TXLNB: variants seen among roughly 807,000 people sequenced by gnomAD.
TXLNB encodes taxilin beta.
In TXLNB, 37 loss-of-function variants were observed where a neutral mutation model predicts 57.4. The observed-to-expected ratio is 0.64, with a 90% confidence interval of 0.50 to 0.85. The LOEUF (loss-of-function observed/expected upper bound fraction) is 0.85. Among genes scored for constraint, TXLNB ranks in the 40% least tolerant of loss-of-function variants. TXLNB has a pLI of 0.00. For synonymous variants in TXLNB, 302 were observed against 309.6 expected (o/e 0.98, Z 0.26); for missense variants, 848 against 825.6 (o/e 1.03, Z -0.33).
chr6:139,287,782 A>G (rs189233610), intron 2 of TXLNB, among the ~76,000 whole-genome samples: 334 of 152,276 alleles, frequency 2.2e-3, no homozygotes, highest in Middle Eastern at 6.8e-3. Flanking sequence ...TTTCCCAGCC[A>G]TCGTTGGTGT....
At chr6:139,185,401 A>C in the TXLNB span, among the ~76,000 whole-genome samples, 1 of 152,200 alleles carries the variant, frequency 6.6e-6, no homozygotes, top group South Asian at 2.1e-4. Context: ...TAAGTTTTCA[A>C]AACACAGGAT....
rs754093195 is a variant in TXLNB, at chr6:139,262,697, G to T, written c.764C>A (p.Thr255Lys). Residue 255 changes from threonine to lysine, a missense_variant, in exon 5 of 10, where the codon ACG becomes AAG. By Grantham distance (78) the Thr-to-Lys change is moderately conservative (BLOSUM62 -1). Coordinates refer to ENST00000358430, the MANE Select transcript of TXLNB (RefSeq NM_153235.4). The stretch of plus-strand genomic sequence containing the variant: ...CTGCTCGATCTGGCCCTGGATGTCC[G>T]TGAGGGTACTCTGGAAATGGCTTGT... ...EITSHFQSTL[T>K]DIQGQIEQQS... is the part of the protein sequence containing the mutation. 18 of 1,614,144 alleles carry T rather than the reference G, an allele frequency of 1.1e-5. No individual in the cohort carries two copies. In the South Asian group the frequency reaches 2.0e-4, roughly 18 times the overall value.
the TXLNB span, chr6:139,166,316 T>G: frequency 6.2e-7 from 1 of 1,611,412 alleles, no homozygotes; most frequent in Non-Finnish European, 8.5e-7. Context: ...GATCTGCAGC[T>G]TCGGTAGGCC....
chr6:139,256,715 T>A (rs1013611298), intron 6 of TXLNB, among the ~76,000 whole-genome samples: 1 of 152,284 alleles, frequency 6.6e-6, no homozygotes, highest in Non-Finnish European at 1.5e-5. Context: ...AAGAACTATG[T>A]ATGTCCTTGG....
At chr6:139,309,011 C>A in the TXLNB span, among the ~76,000 whole-genome samples, 1 of 152,256 alleles carries the variant, frequency 6.6e-6, no homozygotes, top group South Asian at 2.1e-4. Flanking sequence ...AGCATGCATT[C>A]CATTCCCTAT....
At chr6:139,199,844 T>G in the TXLNB span, 5 of 152,220 alleles carry the variant, frequency 3.3e-5, no homozygotes, top group Non-Finnish European at 7.4e-5. Flanking sequence ...CTAAAATTTA[T>G]AGGGTTCATG....
chr6:139,182,610 T>C, the TXLNB span, among the ~76,000 whole-genome samples: 1 of 149,188 alleles, frequency 6.7e-6, no homozygotes, highest in African/African-American at 2.6e-5. Context: ...TCTTGAGCTT[T>C]TCTTCTTTTT....
intron 3 of TXLNB, among the ~76,000 whole-genome samples, chr6:139,272,683 G>A (rs923499946): frequency 2.0e-5 from 3 of 152,202 alleles, no homozygotes; most frequent in East Asian, 1.9e-4. Flanking sequence ...TTAGATAGGC[G>A]TGAAATTTCT....
the TXLNB span, among the ~76,000 whole-genome samples, chr6:139,228,618 C>T: frequency 1.3e-5 from 2 of 151,544 alleles, no homozygotes; most frequent in African/African-American, 4.8e-5. Flanking sequence ...TTAAGTTTCT[C>T]TTCTTGCAAC....
At chr6:139,182,721 A>G in the TXLNB span, among the ~76,000 whole-genome samples, 1 of 152,230 alleles carries the variant, frequency 6.6e-6, no homozygotes, top group Non-Finnish European at 1.5e-5. Context: ...TGAAATAGTA[A>G]TGTATTTTTA....
intron 4 of TXLNB, 74 bp from the exon 5 acceptor site, chr6:139,262,847 G>A (rs929708259): frequency 6.8e-7 from 1 of 1,473,610 alleles, no homozygotes; most frequent in Middle Eastern, 2.3e-4. Context: ...GTCACCTAAA[G>A]GAGATAAGTG....
chr6:139,262,489 G>C, intron 5 of TXLNB, 90 bp downstream of exon 5: 2 of 1,160,092 alleles, frequency 1.7e-6, no homozygotes, highest in Non-Finnish European at 2.4e-6. Context: ...TGAGAGGGCT[G>C]GCTGTAACTG....
the TXLNB span, among the ~76,000 whole-genome samples, chr6:139,300,961 C>A: frequency 6.6e-6 from 1 of 152,310 alleles, no homozygotes; most frequent in South Asian, 2.1e-4. Flanking sequence ...AAAGGAAGCA[C>A]CACATCTCTT....
At chr6:139,255,011 G>A (rs1776299230) in intron 7 of TXLNB, among the ~76,000 whole-genome samples, 1 of 152,056 alleles carries the variant, frequency 6.6e-6, no homozygotes, top group Non-Finnish European at 1.5e-5. Flanking sequence ...TAATAGAGAC[G>A]GGGTTTCACC....
chr6:139,244,606 T>C lies in TXLNB; in HGVS notation c.1255A>G (p.Met419Val), dbSNP rs767462353. The C allele has an allele frequency of 1.9e-6, 3 of 1,612,704 alleles. No homozygotes were observed. The highest frequency in any genetic ancestry group is 4.5e-5 in the East Asian group (2 of 44,864). ...AGAAACTTCCTCACCTCTTCAATCA[T>C]GTCCAACAGAGCTTTGTTACAGTTC... is the stretch of plus-strand genomic sequence containing the variant. ...FENCNKALLDMIEEKALRAKE... is the reference protein window; with the variant it reads ...FENCNKALLDVIEEKALRAKE... Residue 419 changes from methionine (M) to valine (V), a missense_variant, in exon 9 of 10, where the codon ATG (methionine) becomes GTG (valine). By Grantham distance (21) the Met-to-Val change is conservative (BLOSUM62 1). Transcript: ENST00000358430.
the TXLNB span, among the ~76,000 whole-genome samples, chr6:139,213,998 C>A: frequency 6.6e-6 from 1 of 152,056 alleles, no homozygotes. Context: ...AGCTTACCAA[C>A]CAAAAAAAGT....
Position 139,242,416 on chromosome 6 carries a change from TA to T in TXLNB, c.*109del. ...CTAACATTAAAAAATGTCTTGATCC[TA>T]AGTCTCTTCCATTTGACATCTCTAG... On this transcript the variant is annotated 3_prime_UTR_variant, in exon 10 of 10. Transcript: ENST00000358430. The T allele has an allele frequency of 1.1e-6, 1 of 911,766 alleles. No homozygotes were observed. Among genetic ancestry groups the T allele is most frequent in the Non-Finnish European group, 1.5e-6 (1 of 657,348 alleles). 56.5% of individuals were successfully genotyped at this position (911,766 alleles called of 1,614,324 possible).
chr6:139,285,410 C>T (rs931855717), intron 2 of TXLNB, among the ~76,000 whole-genome samples: 1 of 143,100 alleles, frequency 7.0e-6, no homozygotes, highest in African/African-American at 2.6e-5. Flanking sequence ...TATTGTCTTA[C>T]GGAAACTTGA....
intron 4 of TXLNB, among the ~76,000 whole-genome samples, chr6:139,267,738 A>G (rs979326654): frequency 6.6e-6 from 1 of 152,232 alleles, no homozygotes; most frequent in South Asian, 2.1e-4. Flanking sequence ...GAAAGAATGC[A>G]CTTTAAATAT....
Sources: gnomAD v4.1 joint callset for allele counts (sites outside exome capture counted in the v4.1 genomes callset) on GRCh38, gnomAD v4.1.1 for gene constraint, MANE v1.5 for transcripts, NCBI Gene and HGNC (gene_info 2026-07-23, HGNC 2026-07-21) for gene names.